CDH7: variants seen among roughly 807,000 people sequenced by gnomAD.
CDH7 encodes cadherin-7.
CDH7 carries 25 observed loss-of-function variants against 71.8 expected under a neutral mutation model. The observed-to-expected ratio is 0.35, with a 90% CI of 0.25 to 0.49. The LOEUF (loss-of-function observed/expected upper bound fraction) is 0.49. CDH7 is among the 20% of genes least tolerant of loss of function. CDH7 has a pLI of 0.99. For synonymous variants in CDH7, 381 were observed against 363.8 expected (o/e 1.05, Z -0.54); for missense variants, 862 against 974.6 (o/e 0.88, Z 1.54).
chr18:65,856,108 C>T (rs1226572336), intron 7 of CDH7, among the ~76,000 whole-genome samples: 2 of 152,056 alleles, frequency 1.3e-5, no homozygotes, highest in Non-Finnish European at 2.9e-5. Flanking sequence ...CATGCACATG[C>T]CATCAATGTG....
At chr18:65,796,619 T>G (rs1910926323) in intron 2 of CDH7, among the ~76,000 whole-genome samples, 1 of 152,108 alleles carries the variant, frequency 6.6e-6, no homozygotes, top group African/African-American at 2.4e-5. Context: ...CAACCTGTTT[T>G]GTAGATGAAC....
In CDH7 at chr18:65,844,047, C is replaced by A. The variant is rs548755121; in HGVS notation, c.1217C>A (p.Ser406Tyr). 22 of 1,612,902 alleles carry A rather than the reference C, an allele frequency of 1.4e-5. No homozygotes were observed. The East Asian group carries it at 4.9e-4, about 36-fold the overall frequency. ...IGTVAAHDPDSSNSPVRYSID... is the reference protein window; with the variant it reads ...IGTVAAHDPDYSNSPVRYSID... The stretch of plus-strand genomic sequence containing the variant: ...ACTGTAGCAGCTCATGACCCAGATT[C>A]TTCCAATAGCCCTGTGAGGTAAAAA... The change falls in exon 7 of 12, where the codon TCT becomes TAT. Residue 406 changes from serine (S) to tyrosine (Y), a missense_variant. Physicochemically the swap from Ser to Tyr is moderately radical, Grantham distance 144. Coordinates refer to ENST00000397968, the MANE Select transcript of CDH7 (RefSeq NM_004361.5).
chr18:65,852,919 A>G (rs1913201408), intron 7 of CDH7, among the ~76,000 whole-genome samples: 1 of 152,150 alleles, frequency 6.6e-6, no homozygotes, highest in African/African-American at 2.4e-5. Context: ...TAATTTGGGG[A>G]AAAGGTTGAT....
chr18:65,815,276 T>C (rs1911685685), intron 4 of CDH7, among the ~76,000 whole-genome samples: 1 of 152,154 alleles, frequency 6.6e-6, no homozygotes, highest in South Asian at 2.1e-4. Context: ...TCAGTTTTTC[T>C]GGTCCTGTGT....
intron 11 of CDH7, among the ~76,000 whole-genome samples, chr18:65,867,584 T>A (rs561557201): frequency 6.6e-6 from 1 of 152,342 alleles, no homozygotes; most frequent in African/African-American, 2.4e-5. Flanking sequence ...CAATATTAAA[T>A]ATTGTACTCC....
intron 10 of CDH7, among the ~76,000 whole-genome samples, chr18:65,861,258 C>T (rs760275332): frequency 2.6e-5 from 4 of 151,960 alleles, no homozygotes; most frequent in Non-Finnish European, 5.9e-5. Flanking sequence ...TCCATATGAT[C>T]ACTTTTCTGA....
At chr18:65,840,830 C>G (rs778497453) in intron 6 of CDH7, among the ~76,000 whole-genome samples, 1 of 152,048 alleles carries the variant, frequency 6.6e-6, no homozygotes, top group Admixed American at 6.6e-5. Context: ...TTCCAAACAT[C>G]GAGATAATTT....
Position 65,813,337 on chromosome 18 carries a change from T to TATAAA in CDH7, c.506-1131_506-1127dup, listed in dbSNP as rs142815556. ...AGAAGAGCAAAACTCCATCTGAAAA[T>TATAAA]ATAAAATAAAATAAAATAAAAACTT... On this transcript the variant is annotated intron_variant, in intron 3 of 11. Coordinates refer to ENST00000397968, the MANE Select transcript of CDH7 (RefSeq NM_004361.5). 4.5e-4 allele frequency among the ~76,000 whole-genome samples: 68 copies of TATAAA among 152,038 alleles called. 2 individuals are homozygous for TATAAA. The East Asian group carries it at 0.01, about 23-fold the overall frequency.
intron 2 of CDH7, among the ~76,000 whole-genome samples, chr18:65,795,207 A>AT (rs879356123): frequency 7.2e-5 from 11 of 152,122 alleles, no homozygotes; most frequent in African/African-American, 1.7e-4. Flanking sequence ...ATGATTACTA[A>AT]TTTTTTTTAT....
At chr18:65,782,632 G>A (rs1479636466) in intron 2 of CDH7, among the ~76,000 whole-genome samples, 2 of 152,166 alleles carry the variant, frequency 1.3e-5, no homozygotes, top group Admixed American at 6.5e-5. Context: ...ATTGCTCTTA[G>A]GGGAAATACA....
At chr18:65,769,128 G>T (rs1916469168) in intron 2 of CDH7, among the ~76,000 whole-genome samples, 1 of 152,124 alleles carries the variant, frequency 6.6e-6, no homozygotes, top group Non-Finnish European at 1.5e-5. Flanking sequence ...TCCCACAGAG[G>T]AAGAACTCAC....
chr18:65,814,756 A>T (rs1911665025), intron 4 of CDH7, 152 bp downstream of exon 4: 10 of 583,964 alleles, frequency 1.7e-5, no homozygotes, highest in Non-Finnish European at 2.8e-5. Flanking sequence ...ATTATTGAGG[A>T]TTTATCACCT....
chr18:65,814,846 C>T (rs1911668827), intron 4 of CDH7, among the ~76,000 whole-genome samples: 1 of 152,128 alleles, frequency 6.6e-6, no homozygotes, highest in African/African-American at 2.4e-5. Context: ...ATTTCAGCTT[C>T]TATCTCCTGA....
intron 4 of CDH7, among the ~76,000 whole-genome samples, chr18:65,821,855 T>C (rs1246401809): frequency 6.6e-6 from 1 of 152,148 alleles, no homozygotes; most frequent in East Asian, 1.9e-4. Context: ...GATAATCCTC[T>C]TTATTCAGTA....
chr18:65,758,567 T>A lies in CDH7; in HGVS notation c.-196-4080T>A, dbSNP rs537064590. Among the ~76,000 whole-genome samples the A allele has an allele frequency of 7.9e-5, 12 of 152,258 alleles. No individual in the cohort carries two copies. The South Asian group carries it at 2.1e-3, about 26-fold the overall frequency. On this transcript the variant is annotated intron_variant, in intron 1 of 11. Coordinates refer to ENST00000397968, the MANE Select transcript of CDH7 (RefSeq NM_004361.5). ...AAAGAGTATGACAGAGACACTTATC[T>A]CAAAAAAGAAAATTTCGTCCTCTGA... is the stretch of plus-strand genomic sequence containing the variant.
At chr18:65,809,572 A>G in intron 2 of CDH7, 132 bp from the exon 3 acceptor site, 1 of 701,632 alleles carries the variant, frequency 1.4e-6, no homozygotes, top group Non-Finnish European at 2.4e-6. Context: ...GTGCACAATA[A>G]GCGTTCAGCT....
intron 6 of CDH7, among the ~76,000 whole-genome samples, chr18:65,831,548 C>T (rs1330406447): frequency 6.6e-6 from 1 of 152,120 alleles, no homozygotes; most frequent in East Asian, 1.9e-4. Flanking sequence ...TCTGAACTAA[C>T]AGTTTACTGT....
Position 65,888,410 on chromosome 18 carries a change from A to T in CDH7, c.*7516A>T, listed in dbSNP as rs1914428902. 1 of 152,170 alleles carries T rather than the reference A, an allele frequency of 6.6e-6. No homozygotes were observed. Among genetic ancestry groups the T allele is most frequent in the Non-Finnish European group, 1.5e-5 (1 of 68,042 alleles). The allele number at this position is 152,170 out of a possible 1,614,324, so 9.4% of individuals were successfully genotyped here. A position where few individuals can be genotyped will look rare whatever the true frequency, so the allele number is the denominator to read the frequency against. On this transcript the variant is annotated 3_prime_UTR_variant, in exon 12 of 12. Coordinates refer to ENST00000397968, the MANE Select transcript of CDH7 (RefSeq NM_004361.5). ...TTTCCGCAATTCTTGGTACCTCAAAAGACCTGACACACTACAATGAAGACT... is the reference window on the plus strand; with the variant it reads ...TTTCCGCAATTCTTGGTACCTCAAATGACCTGACACACTACAATGAAGACT...
At chr18:65,826,585 T>C (rs930393952) in intron 6 of CDH7, among the ~76,000 whole-genome samples, 3 of 141,482 alleles carry the variant, frequency 2.1e-5, no homozygotes, top group Non-Finnish European at 4.6e-5. Context: ...AAATTGTATT[T>C]ATACAGAATA....
Sources: gnomAD v4.1 joint callset for allele counts (sites outside exome capture counted in the v4.1 genomes callset) on GRCh38, gnomAD v4.1.1 for gene constraint, MANE v1.5 for transcripts, NCBI Gene and HGNC (gene_info 2026-07-23, HGNC 2026-07-21) for gene names.